KIF16B: variants seen among roughly 807,000 people sequenced by gnomAD.
KIF16B encodes kinesin-like protein KIF16B.
KIF16B carries 98 observed loss-of-function variants against 156.3 expected under a neutral mutation model. The observed-to-expected ratio is 0.63, with a 90% CI of 0.53 to 0.74. The LOEUF is 0.74. Ranked by LOEUF, KIF16B falls within the 30% of genes least tolerant of loss-of-function variation. The pLI, the probability that KIF16B is intolerant of heterozygous loss-of-function variation, is 0.00. For synonymous variants in KIF16B, 564 were observed against 583.7 expected, an observed-to-expected ratio of 0.97 and a Z score of 0.49; for missense variants, 1,421 against 1,606.5, an observed-to-expected ratio of 0.88 and a Z score of 1.97.
intron 3 of KIF16B, among the ~76,000 whole-genome samples, chr20:16,518,734 C>T (rs1380229692): frequency 1.3e-5 from 2 of 151,998 alleles, no homozygotes; most frequent in Admixed American, 6.5e-5. Context: ...AAAATATTAA[C>T]GGTCATCTTA....
chr20:16,564,663 TA>T (rs11478455), intron 1 of KIF16B, among the ~76,000 whole-genome samples: 39,372 of 137,738 alleles, frequency 0.29, 5,355 homozygotes, highest in African/African-American at 0.36. Context: ...TAAAGTATAA[TA>T]AAAAAAAAAA....
In KIF16B at chr20:16,379,374, T is replaced by C; in HGVS notation, c.2628A>G (p.Glu876=). Reference sequence around the variant, plus strand: ...CATCTGTGACACTCTCATCATGTTTTTCCAACAATCTAGATTCTTTGTCAT... The same window carrying C: ...CATCTGTGACACTCTCATCATGTTTCTCCAACAATCTAGATTCTTTGTCAT... ...CEHDKESRLL[E]KHDESVTDVT... is the part of the protein sequence containing the mutation. Residue 876 remains glutamate, a synonymous_variant, in exon 19 of 26, where the codon GAA becomes GAG. Transcript: ENST00000354981. 1.2e-6 allele frequency: 2 copies of C among 1,603,692 alleles called. No individual in the cohort carries two copies. Among genetic ancestry groups the C allele is most frequent in the Non-Finnish European group, 1.7e-6 (2 of 1,175,320 alleles).
At chr20:16,549,390 A>G (rs1182732158) in intron 1 of KIF16B, among the ~76,000 whole-genome samples, 3 of 152,008 alleles carry the variant, frequency 2.0e-5, no homozygotes, top group Non-Finnish European at 2.9e-5. Context: ...TTATGGCTGC[A>G]TAGTATCCCA....
At chr20:16,469,167 G>A (rs887478032) in intron 12 of KIF16B, among the ~76,000 whole-genome samples, 2 of 150,356 alleles carry the variant, frequency 1.3e-5, no homozygotes, top group Non-Finnish European at 3.0e-5. Context: ...CAGGAGGACT[G>A]CTTGAGCCCA....
chr20:16,353,427 T>C (rs890308287), intron 23 of KIF16B, among the ~76,000 whole-genome samples: 3 of 152,206 alleles, frequency 2.0e-5, no homozygotes, highest in African/African-American at 4.8e-5. Flanking sequence ...TCAAAAGTCA[T>C]TAAGGGGACC....
At chr20:16,517,986 T>C (rs990751228) in intron 3 of KIF16B, among the ~76,000 whole-genome samples, 1 of 152,170 alleles carries the variant, frequency 6.6e-6, no homozygotes, top group African/African-American at 2.4e-5. Flanking sequence ...TTAAAATCTA[T>C]GCCTACCACT....
chr20:16,350,284 C>T (rs1264457779), intron 23 of KIF16B, among the ~76,000 whole-genome samples: 2 of 152,198 alleles, frequency 1.3e-5, no homozygotes, highest in African/African-American at 4.8e-5. Context: ...AAAAGGCGGG[C>T]ACCTCGGAGC....
At chr20:16,390,875 G>T (rs974152633) in intron 17 of KIF16B, among the ~76,000 whole-genome samples, 5 of 152,184 alleles carry the variant, frequency 3.3e-5, no homozygotes, top group Non-Finnish European at 7.3e-5. Context: ...AATGGACAGC[G>T]TGCCTTTGGA....
intron 24 of KIF16B, among the ~76,000 whole-genome samples, chr20:16,335,469 G>C (rs2122951934): frequency 6.6e-6 from 1 of 152,198 alleles, no homozygotes; most frequent in East Asian, 1.9e-4. Context: ...ACGTTCAATG[G>C]CAAAATAACT....
chr20:16,468,297 C>T (rs553376436), intron 12 of KIF16B, among the ~76,000 whole-genome samples: 88 of 152,198 alleles, frequency 5.8e-4, no homozygotes, highest in African/African-American at 1.6e-3. Context: ...ATAGGCCGGG[C>T]GCAGTGGCTC....
intron 25 of KIF16B, among the ~76,000 whole-genome samples, chr20:16,300,799 G>A (rs1264872822): frequency 6.6e-6 from 1 of 152,024 alleles, no homozygotes; most frequent in African/African-American, 2.4e-5. Context: ...ACACCAGAGT[G>A]GCATATTTGT....
intron 12 of KIF16B, among the ~76,000 whole-genome samples, chr20:16,445,669 G>T (rs555050650): frequency 6.6e-6 from 1 of 152,256 alleles, no homozygotes; most frequent in African/African-American, 2.4e-5. Context: ...GGAAAGGCAT[G>T]TCAGGGCCAT....
intron 15 of KIF16B, among the ~76,000 whole-genome samples, chr20:16,416,543 G>A (rs907119253): frequency 5.9e-5 from 9 of 151,840 alleles, no homozygotes; most frequent in Non-Finnish European, 1.2e-4. Flanking sequence ...CATGGACACA[G>A]GGAGGGGAAC....
chr20:16,512,176 A>C (rs2068976049), intron 5 of KIF16B, among the ~76,000 whole-genome samples: 2 of 152,044 alleles, frequency 1.3e-5, no homozygotes, highest in African/African-American at 4.8e-5. Context: ...ACATTAAGTG[A>C]GGACTTCCTG....
chr20:16,319,976 C>T (rs558441644), intron 24 of KIF16B, among the ~76,000 whole-genome samples: 5 of 152,292 alleles, frequency 3.3e-5, no homozygotes, highest in East Asian at 1.9e-4. Flanking sequence ...AAACACTCAA[C>T]GCAGGCTCAT....
intron 9 of KIF16B, 96 bp from the exon 10 acceptor site, chr20:16,504,643 G>A: frequency 1.0e-6 from 1 of 960,102 alleles, no homozygotes; most frequent in Non-Finnish European, 1.6e-6. Context: ...TTAACCCCAG[G>A]TCATTGGAGA....
intron 23 of KIF16B, among the ~76,000 whole-genome samples, chr20:16,340,899 A>G (rs777701776): frequency 6.6e-6 from 1 of 152,190 alleles, no homozygotes; most frequent in Non-Finnish European, 1.5e-5. Context: ...TTTCCTAGGC[A>G]ATAGATATAA....
intron 25 of KIF16B, among the ~76,000 whole-genome samples, chr20:16,284,280 G>T (rs570218927): frequency 2.0e-4 from 30 of 152,274 alleles, no homozygotes; most frequent in African/African-American, 6.7e-4. Context: ...GTCCTACCTG[G>T]CAACTACTGA....
chr20:16,377,497 T>C (rs1342114809), intron 19 of KIF16B, among the ~76,000 whole-genome samples: 3 of 151,956 alleles, frequency 2.0e-5, no homozygotes, highest in Non-Finnish European at 4.4e-5. Context: ...GGCAGGAGGA[T>C]TGCTTGAGCC....
Sources: allele counts gnomAD v4.1 joint callset (sites outside exome capture counted in the v4.1 genomes callset), GRCh38; gene constraint gnomAD v4.1.1; transcripts MANE v1.5; gene names NCBI Gene and HGNC (gene_info 2026-07-23, HGNC 2026-07-21).